FOXN3: variants seen among roughly 807,000 people sequenced by gnomAD.
The protein encoded by FOXN3 is forkhead box protein N3.
FOXN3 carries 7 observed loss-of-function variants against 38.4 expected under a neutral mutation model. That is an observed-to-expected ratio of 0.18 (90% CI 0.10 to 0.34). The LOEUF is 0.34. Among genes scored for constraint, FOXN3 ranks in the 10% least tolerant of loss-of-function variants. The pLI is 1.00. For synonymous variants in FOXN3, 230 were observed against 242.2 expected (o/e 0.95, Z 0.47); for missense variants, 456 against 613.4 (o/e 0.74, Z 2.71).
intron 2 of FOXN3, among the ~76,000 whole-genome samples, chr14:89,407,177 A>C (rs1891413921): frequency 6.6e-6 from 1 of 152,156 alleles, no homozygotes; most frequent in Non-Finnish European, 1.5e-5. Flanking sequence ...AAATAGAAGG[A>C]GAGAGAGAAG....
At position 89,523,177 on chromosome 14, in the gene FOXN3, T is replaced by C. The variant is rs184362424; in HGVS notation, c.-15+95851A>G. 2.2e-4 allele frequency among the ~76,000 whole-genome samples: 34 copies of C among 152,268 alleles called. 1 individual carries two copies. The South Asian group carries it at 5.6e-3, about 25-fold the overall frequency. ...ATCAAAAGAACATAACAACCCTAAA[T>C]GTCTAGACACCTAATAACAGAATGT... is the stretch of plus-strand genomic sequence containing the variant. On this transcript the variant is annotated intron_variant, in intron 1 of 6. Transcript: ENST00000345097.
chr14:89,334,838 G>GCCTGGGTGACGGAGCAAGATTCT (rs1243115937), intron 3 of FOXN3, among the ~76,000 whole-genome samples: 9 of 152,096 alleles, frequency 5.9e-5, no homozygotes, highest in Non-Finnish European at 1.3e-4. Context: ...TGCGATCTCA[G>GCCTGGGTGACGGAGCAAGATTCT]CTCACTGCAA....
At chr14:89,259,136 T>C (rs1885719019) in intron 4 of FOXN3, among the ~76,000 whole-genome samples, 1 of 152,272 alleles carries the variant, frequency 6.6e-6, no homozygotes, top group African/African-American at 2.4e-5. Context: ...TTCCTGGAAC[T>C]ATCACTGAAT....
At chr14:89,317,875 C>T (rs1409573352) in intron 3 of FOXN3, among the ~76,000 whole-genome samples, 1 of 150,504 alleles carries the variant, frequency 6.6e-6, no homozygotes, top group African/African-American at 2.5e-5. Flanking sequence ...CATAGGAGTG[C>T]AAACCCTACT....
Position 89,286,829 on chromosome 14 carries a change from G to A in FOXN3, c.681-5815C>T, listed in dbSNP as rs150630153. Among the ~76,000 whole-genome samples the A allele has an allele frequency of 6.7e-4, 102 of 152,226 alleles. 1 individual carries two copies. The highest frequency in any genetic ancestry group is 2.2e-3 in the African/African-American group (92 of 41,540). On this transcript the variant is annotated intron_variant, in intron 3 of 5. Coordinates refer to ENST00000557258, the MANE Select transcript of FOXN3 (RefSeq NM_005197.4). ...GAAGCTTCACAAAATACCACTCACC[G>A]TTTGAGAAGCATCACTAAGAACACA...
At chr14:89,449,771 G>A (rs1212857061) in intron 1 of FOXN3, among the ~76,000 whole-genome samples, 2 of 152,184 alleles carry the variant, frequency 1.3e-5, no homozygotes, top group Non-Finnish European at 2.9e-5. Context: ...AGGTCTGACA[G>A]CTTTGCCCCC....
At chr14:89,166,357 A>C (rs1177182381) in intron 5 of FOXN3, among the ~76,000 whole-genome samples, 6 of 152,220 alleles carry the variant, frequency 3.9e-5, no homozygotes, top group Admixed American at 3.9e-4. Flanking sequence ...ATGATTCCAC[A>C]GCCCCTGATT....
chr14:89,190,416 A>C, intron 4 of FOXN3: 1 of 1,614,056 alleles, frequency 6.2e-7, no homozygotes, highest in Non-Finnish European at 8.5e-7. Flanking sequence ...AGTATTCAAA[A>C]GCATCATGGC....
At chr14:89,506,647 G>A (rs191423550) in intron 1 of FOXN3, among the ~76,000 whole-genome samples, 10 of 152,150 alleles carry the variant, frequency 6.6e-5, no homozygotes, top group South Asian at 2.1e-4. Flanking sequence ...CATTGAGAAC[G>A]GGCCAGGATA....
chr14:89,498,254 T>C (rs1225557759), intron 1 of FOXN3, among the ~76,000 whole-genome samples: 2 of 136,572 alleles, frequency 1.5e-5, no homozygotes, highest in Non-Finnish European at 3.1e-5. Flanking sequence ...TCTTGCTCTA[T>C]AGCCCAGGCT....
chr14:89,239,562 C>A (rs777302804), intron 4 of FOXN3, among the ~76,000 whole-genome samples: 1 of 152,132 alleles, frequency 6.6e-6, no homozygotes, highest in Non-Finnish European at 1.5e-5. Flanking sequence ...TGCAAAGAAG[C>A]TTTTATTGCA....
chr14:89,614,984 GC>G (rs1297230522), intron 1 of FOXN3, among the ~76,000 whole-genome samples: 1 of 152,054 alleles, frequency 6.6e-6, no homozygotes, highest in African/African-American at 2.4e-5. Flanking sequence ...AGGAATTGAA[GC>G]AATTAAATAT....
chr14:89,404,908 G>A (rs1362631443), intron 2 of FOXN3, among the ~76,000 whole-genome samples: 5 of 152,006 alleles, frequency 3.3e-5, no homozygotes, highest in Admixed American at 6.6e-5. Context: ...TTACACATCC[G>A]AACCAGACCA....
intron 1 of FOXN3, among the ~76,000 whole-genome samples, chr14:89,615,500 T>G (rs1187895858): frequency 6.6e-6 from 1 of 152,210 alleles, no homozygotes; most frequent in East Asian, 1.9e-4. Flanking sequence ...AGAGAATGAA[T>G]TGTACCACTC....
chr14:89,324,598 G>C (rs1416760204), intron 3 of FOXN3, among the ~76,000 whole-genome samples: 2 of 152,006 alleles, frequency 1.3e-5, no homozygotes, highest in Non-Finnish European at 2.9e-5. Flanking sequence ...GATTAAGGAG[G>C]TTTATGAGGA....
chr14:89,608,362 G>T (rs147032544), intron 1 of FOXN3, among the ~76,000 whole-genome samples: 76 of 152,322 alleles, frequency 5.0e-4, no homozygotes, highest in African/African-American at 1.7e-3. Context: ...GGATGGTCTC[G>T]ATCTCCTGAC....
rs755282901 is a variant in FOXN3, at chr14:89,412,401, A to T, written c.76T>A (p.Tyr26Asn). 6.2e-7 allele frequency: 1 copy of T among 1,614,152 alleles called. No homozygotes were observed. The change falls in exon 2 of 6, where the codon TAC becomes AAC. Residue 26 changes from tyrosine to asparagine, a missense_variant. Tyr to Asn is a moderately radical substitution (Grantham distance 143, BLOSUM62 -2). Coordinates refer to ENST00000557258, the MANE Select transcript of FOXN3 (RefSeq NM_005197.4). This position sits in a 1 kb window ranked among gnomAD's most constrained non-coding sequence, Gnocchi z 4.7. ...GCCTTGGAGAAACCGCTGCCCCCGT[A>T]ACACTGACTCAGTCCACTGGAGACA... ...ISVSSGLSQCYGGSGFSKALQ... is the reference protein window; with the variant it reads ...ISVSSGLSQCNGGSGFSKALQ...
At chr14:89,534,100 CTTTTTTTT>C (rs79800046) in intron 1 of FOXN3, among the ~76,000 whole-genome samples, 1,585 of 113,818 alleles carry the variant, frequency 0.014, 13 homozygotes, top group Middle Eastern at 0.072. Flanking sequence ...ATTATACATT[CTTTTTTTT>C]TTTTTTTTTT....
chr14:89,531,517 G>A (rs1894570804), intron 1 of FOXN3, among the ~76,000 whole-genome samples: 1 of 152,130 alleles, frequency 6.6e-6, no homozygotes, highest in African/African-American at 2.4e-5. Context: ...GATTTCTTTA[G>A]GACTTTCTCT....
Sources: gnomAD v4.1 joint callset for allele counts (sites outside exome capture counted in the v4.1 genomes callset) on GRCh38, gnomAD v4.1.1 for gene constraint, Gnocchi (gnomAD v3.1) non-coding constraint, MANE v1.5 for transcripts, NCBI Gene and HGNC (gene_info 2026-07-23, HGNC 2026-07-21) for gene names.